CORO1A: variants seen among roughly 807,000 people sequenced by gnomAD.
The protein encoded by CORO1A is coronin 1A, also known as coronin-1A.
CORO1A carries 17 observed loss-of-function variants against 44.1 expected under a neutral mutation model. That is an observed-to-expected ratio of 0.39 (90% confidence interval 0.26 to 0.58). CORO1A has a LOEUF of 0.58. CORO1A is among the 20% of genes least tolerant of loss of function. The probability of loss-of-function intolerance (pLI) is 0.62; values close to 1 mark genes in which losing one functional copy is unlikely to be tolerated. For missense variants in CORO1A, 415 were observed against 606.5 expected (o/e 0.68, Z 3.32); for synonymous variants, 271 against 244.2 (o/e 1.11, Z -1.02).
In CORO1A at chr16:30,188,278, C is replaced by T. The variant is rs368169424; in HGVS notation, c.1065+29C>T. 3.4e-5 allele frequency: 55 copies of T among 1,613,260 alleles called. No individual in the cohort carries two copies. The African/African-American group carries it at 5.2e-4, about 15-fold the overall frequency. Reference sequence around the variant, plus strand: ...ATGCTCCCCCGCCCCACCCTGGGCTCCAGGCTGGGCACTGACTTTGCGGTC... The same window carrying T: ...ATGCTCCCCCGCCCCACCCTGGGCTTCAGGCTGGGCACTGACTTTGCGGTC... On this transcript the variant is annotated intron_variant, in intron 9 of 10. Transcript: ENST00000219150.
In CORO1A at chr16:30,186,675, C is replaced by A. The variant is rs775164105; in HGVS notation, c.276C>A (p.His92Gln). ...APVLDIAWCPHNDNVIASGSE... is the reference protein window; with the variant it reads ...APVLDIAWCPQNDNVIASGSE... Reference sequence around the variant, plus strand: ...TGCTAGACATCGCCTGGTGCCCGCACAATGACAACGTCATTGCCAGTGGCT... The same window carrying A: ...TGCTAGACATCGCCTGGTGCCCGCAAAATGACAACGTCATTGCCAGTGGCT... The change falls in exon 3 of 11, where the codon CAC becomes CAA. Residue 92 changes from histidine (H) to glutamine (Q), a missense_variant. This residue lies in a region of CORO1A where 325 missense variants were observed against 521.7 expected (regional missense o/e 0.62). Coordinates refer to ENST00000219150, the MANE Select transcript of CORO1A (RefSeq NM_007074.4). 2.5e-6 allele frequency: 4 copies of A among 1,613,180 alleles called. No homozygotes were observed. The highest frequency in any genetic ancestry group is 3.4e-6 in the Non-Finnish European group (4 of 1,179,878).
Position 30,188,516 on chromosome 16 carries a change from C to T in CORO1A, c.1221C>T (p.Asn407=), listed in dbSNP as rs772111482. 8.1e-6 allele frequency: 13 copies of T among 1,612,864 alleles called. No homozygotes were observed. The highest frequency in any genetic ancestry group is 1.7e-4 in the Middle Eastern group (1 of 5,994). Residue 407 remains asparagine, a synonymous_variant, in exon 10 of 11, where the codon AAC becomes AAT. Coordinates refer to ENST00000219150, the MANE Select transcript of CORO1A (RefSeq NM_007074.4). Reference sequence around the variant, plus strand: ...CAAAGAGCCGGGAGCTGAGGGTCAACCGGGGCCTGGACACCGGGCGCAGGA... The same window carrying T: ...CAAAGAGCCGGGAGCTGAGGGTCAATCGGGGCCTGGACACCGGGCGCAGGA... ...VPPKSRELRV[N]RGLDTGRRRA...
chr16:30,186,394 G>A (rs946134469), intron 2 of CORO1A: 30 of 615,084 alleles, frequency 4.9e-5, no homozygotes, highest in South Asian at 4.1e-4. Context: ...TCTGCCATGC[G>A]TGGCCAGCCC....
intron 4 of CORO1A, 32 bp downstream of exon 4, chr16:30,186,977 C>T (rs899848665): frequency 7.4e-6 from 12 of 1,612,788 alleles, no homozygotes; most frequent in African/African-American, 2.7e-5. Flanking sequence ...GGGGGTGGCT[C>T]GTGGCCTGCA....
Position 30,187,199 on chromosome 16 carries a change from GC to G in CORO1A, c.616del (p.Arg206AlafsTer6). Reference protein sequence around the residue: ...CRDKRVRIIEPRKGTVVAEKD... With the variant: ...CRDKRVRIIEXRKGTVVAEKD... ...GTGACAAGCGCGTGCGCATCATCGA[GC>G]CCCGCAAAGGCACTGTCGTAGCTGT... is the stretch of plus-strand genomic sequence containing the variant. On this transcript the variant is annotated frameshift_variant, in exon 5 of 11. Coordinates refer to ENST00000219150, the MANE Select transcript of CORO1A (RefSeq NM_007074.4). LOFTEE classifies it high-confidence loss of function. 1 of 1,613,134 alleles carries G rather than the reference GC, an allele frequency of 6.2e-7. No individual in the cohort carries two copies. The highest frequency in any genetic ancestry group is 8.5e-7 in the Non-Finnish European group (1 of 1,180,014).
chr16:30,187,982 C>T lies in CORO1A; in HGVS notation c.902C>T (p.Ala301Val). The change falls in exon 8 of 11, where the codon GCC becomes GTC. Residue 301 changes from alanine (A) to valine (V), a missense_variant. This residue lies in a region of CORO1A where 325 missense variants were observed against 521.7 expected (regional missense o/e 0.62). Transcript: ENST00000219150. ...CGGTACTTTGAGATCACTTCCGAGG[C>T]CCCTTTCCTGCACTATCTCTCCATG... ...SIRYFEITSE[A>V]PFLHYLSMFS... 6.2e-7 allele frequency: 1 copy of T among 1,614,082 alleles called. No homozygotes were observed. The highest frequency in any genetic ancestry group is 8.5e-7 in the Non-Finnish European group (1 of 1,180,000).
Position 30,187,845 on chromosome 16 carries a change from G to A in CORO1A, c.861+16G>A, listed in dbSNP as rs752677244. On this transcript the variant is annotated intron_variant, in intron 7 of 10. Coordinates refer to ENST00000219150, the MANE Select transcript of CORO1A (RefSeq NM_007074.4). ...CTGTGGCAAGGTGGCCTCGTCGGGC[G>A]GGGTGGGGGTGGGAGGTGGGCAGGA... 2.2e-5 allele frequency: 35 copies of A among 1,574,154 alleles called. No individual in the cohort carries two copies. Among genetic ancestry groups the A allele is most frequent in the Middle Eastern group, 1.7e-4 (1 of 6,004 alleles).
chr16:30,188,667 T>C (rs1386198585), intron 10 of CORO1A, 91 bp downstream of exon 10: 1 of 1,035,604 alleles, frequency 9.7e-7, no homozygotes, highest in African/African-American at 1.7e-5. Flanking sequence ...TTGGGAATCT[T>C]TGTGGGTCCG....
At position 30,185,873 on chromosome 16, in the gene CORO1A, G is replaced by T. The variant is rs1334259411; in HGVS notation, c.198+466G>T. 8 of 227,912 alleles carry T rather than the reference G, an allele frequency of 3.5e-5. No homozygotes were observed. In the South Asian group the frequency reaches 4.1e-4, roughly 12 times the overall value. The allele number at this position is 227,912 out of a possible 1,614,324, so 14.1% of individuals were successfully genotyped here. ...CCACCCGCAGCCCTGCCCTCCCCTG[G>T]AGCCTGCTGCCCCCTCCGCTGGCTG... On this transcript the variant is annotated intron_variant, in intron 2 of 10. Coordinates refer to ENST00000219150, the MANE Select transcript of CORO1A (RefSeq NM_007074.4).
chr16:30,186,510 C>A (rs2073335876), intron 2 of CORO1A, 88 bp from the exon 3 acceptor site: 2 of 1,497,318 alleles, frequency 1.3e-6, no homozygotes, highest in Admixed American at 3.3e-5. Flanking sequence ...CCACAGCTTT[C>A]CTCTCTGGGC....
In CORO1A at chr16:30,185,197, G is replaced by T. The variant is rs2073319407; in HGVS notation, c.-1-12G>T. 1.2e-6 allele frequency: 2 copies of T among 1,613,840 alleles called. No homozygotes were observed. Among genetic ancestry groups the T allele is most frequent in the Middle Eastern group, 1.7e-4 (1 of 6,060 alleles). ...CTGAAGGGAGAAATGCTCTTATGCT[G>T]TGTGCCCCCAGAATGAGCCGGCAGG... On this transcript the variant is annotated splice_polypyrimidine_tract_variant and intron_variant, in intron 1 of 10. Transcript: ENST00000219150.
In CORO1A at chr16:30,186,926, GA is replaced by G; in HGVS notation, c.434del (p.Asn145ThrfsTer11). On this transcript the variant is annotated frameshift_variant, in exon 4 of 11. Transcript: ENST00000219150. LOFTEE classifies it high-confidence loss of function. ...GIVAWHTTAQ[N>X]VLLSAGCDNV... The stretch of plus-strand genomic sequence containing the variant: ...TTGTGGCCTGGCACACCACAGCCCA[GA>G]ACGTGCTGCTCAGTGCAGGTGCTGC... 6.2e-7 allele frequency: 1 copy of G among 1,612,776 alleles called. No homozygotes were observed. The highest frequency in any genetic ancestry group is 8.5e-7 in the Non-Finnish European group (1 of 1,179,998).
Position 30,187,805 on chromosome 16 carries a change from C to T in CORO1A, c.837C>T (p.Thr279=), listed in dbSNP as rs113875403. Reference sequence around the variant, plus strand: ...TGCTGCCCTTCTTTGACCCTGACACCAACATCGTCTACCTCTGTGGCAAGG... The same window carrying T: ...TGCTGCCCTTCTTTGACCCTGACACTAACATCGTCTACCTCTGTGGCAAGG... ...GVLLPFFDPD[T]NIVYLCGKGD... The change falls in exon 7 of 11, where the codon ACC becomes ACT. Residue 279 remains threonine, a synonymous_variant. Coordinates refer to ENST00000219150, the MANE Select transcript of CORO1A (RefSeq NM_007074.4). The T allele has an allele frequency of 1.0e-4, 163 of 1,598,784 alleles. 2 individuals are homozygous for T. The Middle Eastern group carries it at 4.0e-3, about 39-fold the overall frequency.
rs1356747090 is a variant in CORO1A at position 30,186,836 on chromosome 16, G to A, written c.342G>A (p.Gly114=). The change falls in exon 4 of 11, where the codon GGG becomes GGA. Residue 114 remains glycine (G), a synonymous_variant. Transcript: ENST00000219150. ...TGCAGGTGTGGGAGATCCCAGATGG[G>A]GGCCTGATGCTGCCCCTGCGGGAGC... The part of the protein sequence containing the change: ...CTVMVWEIPD[G]GLMLPLREPV... 6.2e-7 allele frequency: 1 copy of A among 1,611,326 alleles called. No homozygotes were observed. Among genetic ancestry groups the A allele is most frequent in the East Asian group, 2.2e-5 (1 of 44,874 alleles).
intron 2 of CORO1A, chr16:30,185,717 G>A: frequency 2.2e-6 from 1 of 449,030 alleles, no homozygotes; most frequent in East Asian, 4.2e-5. Flanking sequence ...CACAGAGGGG[G>A]TTGGGATGGG....
chr16:30,188,405 C>T lies in CORO1A; in HGVS notation c.1110C>T (p.Pro370=), dbSNP rs770260782. Residue 370 remains proline (P), a synonymous_variant, in exon 10 of 11, where the codon CCC becomes CCT. Transcript: ENST00000219150. ...QEDLYPPTAG[P]DPALTAEEWL... ...ACCTGTACCCACCCACCGCAGGGCC[C>T]GACCCTGCCCTCACGGCTGAGGAGT... 1.1e-5 allele frequency: 18 copies of T among 1,613,734 alleles called. No individual in the cohort carries two copies. The highest frequency in any genetic ancestry group is 1.6e-4 in the Middle Eastern group (1 of 6,062).
chr16:30,188,850 G>A lies in CORO1A; in HGVS notation c.1282-10G>A, dbSNP rs1446621115. Reference sequence around the variant, plus strand: ...GAGGAGCTGGGCCTAATGCAGCACCGGGTCCCCAGGATGCCGTGTCTCGGC... The same window carrying A: ...GAGGAGCTGGGCCTAATGCAGCACCAGGTCCCCAGGATGCCGTGTCTCGGC... On this transcript the variant is annotated splice_polypyrimidine_tract_variant and intron_variant, in intron 10 of 10. Transcript: ENST00000219150. The A allele has an allele frequency of 1.2e-5, 5 of 412,692 alleles. No individual in the cohort carries two copies. The highest frequency in any genetic ancestry group is 2.2e-5 in the South Asian group (1 of 45,264). The allele number at this position is 412,692 out of a possible 1,614,324, so 25.6% of individuals were successfully genotyped here.
Position 30,184,356 on chromosome 16 carries a change from G to A in CORO1A, c.-2+631G>A, listed in dbSNP as rs954823912. 2.0e-5 allele frequency: 3 copies of A among 152,716 alleles called. No individual in the cohort carries two copies. Among genetic ancestry groups the A allele is most frequent in the Non-Finnish European group, 2.9e-5 (2 of 68,412 alleles). The allele number at this position is 152,716 out of a possible 1,614,324, so 9.5% of individuals were successfully genotyped here. ...GCTGGAGCCCCCAGTGAGTAGGCGA[G>A]GCTGAGGCTAGGGGCAGAGGCTCTG... On this transcript the variant is annotated intron_variant, in intron 1 of 10. Transcript: ENST00000219150. The surrounding 1 kb of genome is among the most constrained non-coding windows in gnomAD (Gnocchi z 4.3).
Position 30,188,456 on chromosome 16 carries a change from C to G in CORO1A, c.1161C>G (p.Pro387=), listed in dbSNP as rs375181897. 1.7e-5 allele frequency: 28 copies of G among 1,613,290 alleles called. No individual in the cohort carries two copies. Among genetic ancestry groups the G allele is most frequent in the Non-Finnish European group, 2.4e-5 (28 of 1,180,004 alleles). Residue 387 remains proline, a synonymous_variant, in exon 10 of 11, where the codon CCC becomes CCG. Coordinates refer to ENST00000219150, the MANE Select transcript of CORO1A (RefSeq NM_007074.4). ...EEWLGGRDAG[P]LLISLKDGYV... is the part of the protein sequence containing the mutation. ...GGCTGGGGGGTCGGGATGCTGGGCC[C>G]CTCCTCATCTCCCTCAAGGATGGCT... is the stretch of plus-strand genomic sequence containing the variant.
Sources: gnomAD v4.1 joint callset for allele counts on GRCh38, gnomAD v4.1.1 for gene constraint, gnomAD v4.1.1 regional missense constraint, Gnocchi (gnomAD v3.1) non-coding constraint, MANE v1.5 for transcripts, NCBI Gene and HGNC (gene_info 2026-07-23, HGNC 2026-07-21) for gene names.